Variants in SLC37A1 observed in about 807,000 individuals in gnomAD.
SLC37A1 encodes the protein solute carrier family 37 member 1, also known as glucose-6-phosphate exchanger SLC37A1.
A neutral mutation model predicts 75.3 loss-of-function variants in SLC37A1; 49 were observed. That is an observed-to-expected ratio of 0.65 (90% CI 0.52 to 0.83). SLC37A1 has a LOEUF of 0.83. SLC37A1 is among the 40% of genes least tolerant of loss of function. SLC37A1 has a pLI of 0.00. For synonymous variants in SLC37A1, 268 were observed against 292.1 expected (o/e 0.92, Z 0.84); for missense variants, 566 against 695.0 (o/e 0.81, Z 2.09).
Position 42,570,211 on chromosome 21 carries a change from C to T in SLC37A1, c.1423+1773C>T, listed in dbSNP as rs867374294. 2.5e-3 allele frequency among the ~76,000 whole-genome samples: 288 copies of T among 114,584 alleles called. 50 individuals carry two copies. Among genetic ancestry groups the T allele is most frequent in the Middle Eastern group, 0.017 (4 of 234 alleles). 75.2% of individuals were successfully genotyped at this position (114,584 alleles called of 152,430 possible). A position where few individuals can be genotyped will look rare whatever the true frequency, so the allele number is the denominator to read the frequency against. ...CACATGGCCTGGTTCTGAGAAGCGG[C>T]AGGCAGGGTGGCCGTTGCCATGTCA... On this transcript the variant is annotated intron_variant, in intron 17 of 19. Transcript: ENST00000352133.
rs76162039 is a variant in SLC37A1, at chr21:42,548,470, C to T, written c.768+1330C>T. Among the ~76,000 whole-genome samples the T allele has an allele frequency of 0.042, 6,396 of 152,164 alleles. 445 individuals carry two copies. Among genetic ancestry groups the T allele is most frequent in the African/African-American group, 0.15 (6,034 of 41,474 alleles). ...GAGCCAGCCCAACACCCCCTCCCTT[C>T]AGCCCCGCACCCCATCCTTGGCCAT... On this transcript the variant is annotated intron_variant, in intron 9 of 19. Coordinates refer to ENST00000352133, the MANE Select transcript of SLC37A1 (RefSeq NM_001320537.2). This position sits in a 1 kb window ranked among gnomAD's most constrained non-coding sequence, Gnocchi z 5.6.
chr21:42,554,761 C>A (rs932333774), intron 10 of SLC37A1, among the ~76,000 whole-genome samples: 9 of 152,290 alleles, frequency 5.9e-5, no homozygotes, highest in Non-Finnish European at 8.8e-5. Context: ...TTGTCATCCG[C>A]GGTAGCAGGG....
intron 2 of SLC37A1, chr21:42,502,555 C>A (rs577350106): frequency 8.3e-4 from 127 of 152,302 alleles, no homozygotes; most frequent in African/African-American, 2.6e-3. Context: ...CCTATGATAA[C>A]CCTTGTTAAT....
rs1255393446 is a variant in SLC37A1 at position 42,574,876 on chromosome 21, G to A, written c.1482G>A (p.Val494=). 1 of 1,614,202 alleles carries A rather than the reference G, an allele frequency of 6.2e-7. No individual in the cohort carries two copies. The highest frequency in any genetic ancestry group is 8.5e-7 in the Non-Finnish European group (1 of 1,180,030). ...TCTCCCCGTCCGGCTGGAGCAATGT[G>A]TTTTACATGCTGATGTTTGCAGATG... ...GLLSPSGWSN[V]FYMLMFADAC... The change falls in exon 18 of 20, where the codon GTG becomes GTA. Residue 494 remains valine (V), a synonymous_variant. Transcript: ENST00000352133.
chr21:42,534,854 A>G (rs1601700535), intron 4 of SLC37A1, 24 bp downstream of exon 4: 1 of 1,607,098 alleles, frequency 6.2e-7, no homozygotes, highest in Non-Finnish European at 8.5e-7. Context: ...CGGTCCGTCC[A>G]GGAGCCGAAG....
intron 17 of SLC37A1, among the ~76,000 whole-genome samples, chr21:42,574,142 C>G (rs969427975): frequency 1.3e-5 from 2 of 152,182 alleles, no homozygotes; most frequent in African/African-American, 4.8e-5. Context: ...GCATGTACTT[C>G]CTAAAAACAA....
At chr21:42,566,246 C>T (rs1317754592) in intron 15 of SLC37A1, among the ~76,000 whole-genome samples, 3 of 152,228 alleles carry the variant, frequency 2.0e-5, no homozygotes, top group African/African-American at 7.2e-5. Context: ...CCCTGCACCC[C>T]TGGTGGTGAG....
chr21:42,572,208 C>G (rs1431036835), intron 17 of SLC37A1, among the ~76,000 whole-genome samples: 1 of 152,092 alleles, frequency 6.6e-6, no homozygotes, highest in East Asian at 1.9e-4. Flanking sequence ...CTGACCCCAG[C>G]CCTTGCTTTC....
At chr21:42,564,128 G>A (rs549725303) in intron 13 of SLC37A1, among the ~76,000 whole-genome samples, 1 of 147,474 alleles carries the variant, frequency 6.8e-6, no homozygotes, top group African/African-American at 2.5e-5. Context: ...GCTCATGCCT[G>A]TTATCCAGCA....
intron 18 of SLC37A1, among the ~76,000 whole-genome samples, chr21:42,577,544 C>T (rs919544714): frequency 6.6e-6 from 1 of 152,126 alleles, no homozygotes; most frequent in Non-Finnish European, 1.5e-5. Flanking sequence ...CAGTACACTG[C>T]AGTTCTTATG....
intron 2 of SLC37A1, 124 bp downstream of exon 2, chr21:42,518,634 A>G: frequency 9.1e-7 from 1 of 1,101,754 alleles, no homozygotes. Context: ...GACCTCACCC[A>G]TAACCGTTGA....
intron 7 of SLC37A1, among the ~76,000 whole-genome samples, chr21:42,542,739 T>A (rs1271786267): frequency 6.6e-6 from 1 of 152,156 alleles, no homozygotes; most frequent in Non-Finnish European, 1.5e-5. Context: ...GCCTCCCAGG[T>A]GTTGTGGGAG....
chr21:42,571,530 T>C (rs1186063940), intron 17 of SLC37A1, among the ~76,000 whole-genome samples: 1 of 152,162 alleles, frequency 6.6e-6, no homozygotes, highest in Admixed American at 6.5e-5. Flanking sequence ...TCCGTCCCCC[T>C]CCCCAGCCCT....
At chr21:42,534,145 C>T (rs1396813530) in intron 3 of SLC37A1, among the ~76,000 whole-genome samples, 1 of 152,178 alleles carries the variant, frequency 6.6e-6, no homozygotes, top group Non-Finnish European at 1.5e-5. Context: ...ACTCTCACCT[C>T]TAGCCGCATG....
At chr21:42,534,998 G>A (rs1365439451) in intron 4 of SLC37A1, among the ~76,000 whole-genome samples, 168 bp downstream of exon 4, 5 of 152,260 alleles carry the variant, frequency 3.3e-5, no homozygotes, top group African/African-American at 9.6e-5. Flanking sequence ...CACAGTGCCT[G>A]TGCGCAGAGC....
intron 3 of SLC37A1, among the ~76,000 whole-genome samples, chr21:42,533,142 G>A (rs1291979922): frequency 6.6e-6 from 1 of 152,172 alleles, no homozygotes; most frequent in Non-Finnish European, 1.5e-5. Context: ...GCACTGGGGT[G>A]GCTCCCTGCC....
intron 18 of SLC37A1, among the ~76,000 whole-genome samples, chr21:42,577,788 G>T (rs1035150665): frequency 6.6e-6 from 1 of 152,174 alleles, no homozygotes; most frequent in African/African-American, 2.4e-5. Context: ...AAAAATACAG[G>T]CACTGGTTAT....
intron 17 of SLC37A1, among the ~76,000 whole-genome samples, chr21:42,571,850 T>C (rs1333868249): frequency 6.6e-6 from 1 of 152,180 alleles, no homozygotes; most frequent in East Asian, 1.9e-4. Flanking sequence ...CTTCCTTCCC[T>C]GCACCGTGGT....
Position 42,547,314 on chromosome 21 carries a change from A to G in SLC37A1, c.768+174A>G, listed in dbSNP as rs115546479. 5.9e-4 allele frequency: 401 copies of G among 677,870 alleles called. 2 individuals carry two copies. In the African/African-American group the frequency reaches 6.8e-3, roughly 12 times the overall value. The allele number at this position is 677,870 out of a possible 1,614,324, so 42.0% of individuals were successfully genotyped here. A position where few individuals can be genotyped will look rare whatever the true frequency, so the allele number is the denominator to read the frequency against. On this transcript the variant is annotated intron_variant, in intron 9 of 19. Transcript: ENST00000352133. This position sits in a 1 kb window ranked among gnomAD's most constrained non-coding sequence, Gnocchi z 6.1. ...GAATATTCTGTTTTGGGTTTCGCTG[A>G]TAATAACCTTATCAGCAAAACCCAG...
Sources: allele counts gnomAD v4.1 joint callset (sites outside exome capture counted in the v4.1 genomes callset), GRCh38; gene constraint gnomAD v4.1.1; non-coding constraint Gnocchi (gnomAD v3.1); transcripts MANE v1.5; gene names NCBI Gene and HGNC (gene_info 2026-07-23, HGNC 2026-07-21).